Variants in DPY19L1 observed in about 807,000 individuals in gnomAD.
DPY19L1 encodes dpy-19 like C-mannosyltransferase 1, also known as protein C-mannosyl-transferase DPY19L1.
Under a neutral mutation model 96.9 loss-of-function variants are expected in DPY19L1, and 35 were observed. That is an observed-to-expected ratio of 0.36 (90% confidence interval 0.28 to 0.48). DPY19L1 has a LOEUF of 0.48. Among genes scored for constraint, DPY19L1 ranks in the 20% least tolerant of loss-of-function variants. DPY19L1 has a pLI of 0.99. For synonymous variants in DPY19L1, 205 were observed against 252.6 expected, an observed-to-expected ratio of 0.81 and a Z score of 1.79; for missense variants, 521 against 777.9, an observed-to-expected ratio of 0.67 and a Z score of 3.93.
At chr7:34,947,803 G>A in intron 14 of DPY19L1, 102 bp from the exon 15 acceptor site, 1 of 909,974 alleles carries the variant, frequency 1.1e-6, no homozygotes, top group Non-Finnish European at 1.7e-6. Context: ...AGAGAAATAT[G>A]AACATTCACC....
intron 21 of DPY19L1, among the ~76,000 whole-genome samples, chr7:34,932,036 G>A (rs1306827432): frequency 2.0e-5 from 3 of 152,100 alleles, no homozygotes; most frequent in African/African-American, 7.2e-5. Flanking sequence ...TGTGGTTCTG[G>A]GCAGGTAGCT....
chr7:34,998,083 C>T (rs997070356), intron 6 of DPY19L1, among the ~76,000 whole-genome samples: 1 of 152,198 alleles, frequency 6.6e-6, no homozygotes, highest in African/African-American at 2.4e-5. Flanking sequence ...AAAAATCTCT[C>T]AGATATCAGA....
At chr7:34,971,623 A>G (rs180826231) in intron 8 of DPY19L1, among the ~76,000 whole-genome samples, 2 of 152,336 alleles carry the variant, frequency 1.3e-5, no homozygotes, top group African/African-American at 2.4e-5. Context: ...TAAAGAAAGG[A>G]AAGTTCTCTA....
chr7:35,022,461 T>C (rs1786017795), intron 1 of DPY19L1, among the ~76,000 whole-genome samples: 1 of 152,200 alleles, frequency 6.6e-6, no homozygotes, highest in Non-Finnish European at 1.5e-5. Flanking sequence ...ATTAACTCTT[T>C]CTGATTAAAG....
chr7:35,004,864 T>C (rs945182313), intron 6 of DPY19L1, among the ~76,000 whole-genome samples: 1 of 152,086 alleles, frequency 6.6e-6, no homozygotes, highest in East Asian at 1.9e-4. Flanking sequence ...TGGGCAGCTG[T>C]CAGTCAATAA....
intron 7 of DPY19L1, among the ~76,000 whole-genome samples, chr7:34,982,504 G>C (rs1034064906): frequency 6.6e-6 from 1 of 152,116 alleles, no homozygotes; most frequent in African/African-American, 2.4e-5. Flanking sequence ...AAAAGCCGGA[G>C]AAAAAACAGT....
intron 10 of DPY19L1, among the ~76,000 whole-genome samples, chr7:34,958,767 T>G (rs1171113795): frequency 2.6e-5 from 4 of 152,344 alleles, no homozygotes; most frequent in Middle Eastern, 3.4e-3. Flanking sequence ...TATTATTCTT[T>G]TAAATATTTG....
At chr7:34,984,340 G>C (rs1281591592) in intron 7 of DPY19L1, among the ~76,000 whole-genome samples, 8 of 152,282 alleles carry the variant, frequency 5.3e-5, no homozygotes, top group Middle Eastern at 6.8e-3. Context: ...GGGCGCAGAG[G>C]CATATACAAA....
chr7:35,033,760 G>T (rs1584267643), intron 1 of DPY19L1, among the ~76,000 whole-genome samples: 1 of 152,108 alleles, frequency 6.6e-6, no homozygotes, highest in Non-Finnish European at 1.5e-5. Flanking sequence ...GAAGTCGCAA[G>T]TGTTTCCTAC....
At position 34,931,591 on chromosome 7, in the gene DPY19L1, T is replaced by A. The variant is rs748132209; in HGVS notation, c.2229A>T (p.Leu743=). 6.5e-7 allele frequency: 1 copy of A among 1,546,092 alleles called. No individual in the cohort carries two copies. The highest frequency in any genetic ancestry group is 8.7e-7 in the Non-Finnish European group (1 of 1,151,800). The change falls in exon 22 of 22, where the codon CTA becomes CTT. Residue 743 remains leucine, a synonymous_variant. Coordinates refer to ENST00000638088, the MANE Select transcript of DPY19L1 (RefSeq NM_001366673.1). The stretch of plus-strand genomic sequence containing the variant: ...GTAGCAGTCATTCTTTTACAACTTC[T>A]AGGACTTTGTAAACACTGTTCTGGA... The part of the protein sequence containing the change: ...TVFQNSVYKV[L]EVVKE
chr7:34,952,157 T>C (rs1446869228), intron 13 of DPY19L1, among the ~76,000 whole-genome samples: 1 of 145,838 alleles, frequency 6.9e-6, no homozygotes, highest in African/African-American at 2.5e-5. Flanking sequence ...CAGCTCTTAA[T>C]AGAAGACCAA....
intron 8 of DPY19L1, among the ~76,000 whole-genome samples, chr7:34,969,832 C>T (rs1482194427): frequency 2.0e-5 from 3 of 152,034 alleles, no homozygotes; most frequent in Non-Finnish European, 4.4e-5. Flanking sequence ...TTTAAAAATA[C>T]TGATTCAACA....
chr7:34,981,984 A>C (rs1784949235), intron 7 of DPY19L1, among the ~76,000 whole-genome samples: 1 of 152,158 alleles, frequency 6.6e-6, no homozygotes, highest in Admixed American at 6.5e-5. Flanking sequence ...TAGTCTTCTA[A>C]TCTGAATCTA....
At chr7:34,986,355 T>C (rs111895254) in intron 7 of DPY19L1, among the ~76,000 whole-genome samples, 30 of 152,186 alleles carry the variant, frequency 2.0e-4, no homozygotes, top group African/African-American at 6.7e-4. Flanking sequence ...ACTTGCTTGA[T>C]TGACTCTTTC....
chr7:35,001,996 G>A (rs543242259), intron 6 of DPY19L1, among the ~76,000 whole-genome samples: 34 of 151,782 alleles, frequency 2.2e-4, no homozygotes, highest in East Asian at 1.4e-3. Context: ...GTGGTGGTGC[G>A]TGCCTGTAGT....
chr7:35,033,669 A>G (rs1361532380), intron 1 of DPY19L1, among the ~76,000 whole-genome samples: 1 of 152,160 alleles, frequency 6.6e-6, no homozygotes, highest in South Asian at 2.1e-4. Flanking sequence ...CTACCACACC[A>G]CATTGCTCCC....
In DPY19L1 at chr7:35,034,934, G is replaced by C. The variant is rs377689854; in HGVS notation, c.298+2163C>G. On this transcript the variant is annotated intron_variant, in intron 1 of 21. Transcript: ENST00000638088. ...GCTCAACTCTCACTCATTCTGGGAG[G>C]GGGGAAGAAAACAGGAAATAAGGCA... Among the ~76,000 whole-genome samples the C allele has an allele frequency of 1.4e-4, 21 of 152,252 alleles. No homozygotes were observed. In the East Asian group the frequency reaches 3.9e-3, roughly 28 times the overall value.
chr7:34,998,490 C>T (rs150732191), intron 6 of DPY19L1, among the ~76,000 whole-genome samples: 1,836 of 152,320 alleles, frequency 0.012, 10 homozygotes, highest in Middle Eastern at 0.02. Flanking sequence ...GCTCAGCCCT[C>T]ATGCATAAGT....
intron 3 of DPY19L1, among the ~76,000 whole-genome samples, chr7:35,015,570 G>A (rs1437403066): frequency 6.6e-6 from 1 of 152,202 alleles, no homozygotes; most frequent in Non-Finnish European, 1.5e-5. Context: ...TACCCTGTAT[G>A]GTCTGAAAGA....
Sources: allele counts gnomAD v4.1 joint callset (sites outside exome capture counted in the v4.1 genomes callset), GRCh38; gene constraint gnomAD v4.1.1; transcripts MANE v1.5; gene names NCBI Gene and HGNC (gene_info 2026-07-23, HGNC 2026-07-21).